TXNDC11: variants seen among roughly 807,000 people sequenced by gnomAD.
The protein encoded by TXNDC11 is thioredoxin domain containing 11, also known as thioredoxin domain-containing protein 11.
TXNDC11 carries 68 observed loss-of-function variants against 78.0 expected under a neutral mutation model. The ratio of observed to expected loss-of-function variants is 0.87; its 90% CI spans 0.72 to 1.07. TXNDC11 has a LOEUF of 1.07. Among genes scored for constraint, TXNDC11 ranks in the 50% least tolerant of loss-of-function variants. The pLI, the probability that TXNDC11 is intolerant of heterozygous loss-of-function variation, is 0.00. For missense variants in TXNDC11, 1,389 were observed against 1,221.8 expected (o/e 1.14, Z -2.04); for synonymous variants, 571 against 495.2 (o/e 1.15, Z -2.03).
At chr16:11,726,769 C>A (rs1045894032) in intron 4 of TXNDC11, among the ~76,000 whole-genome samples, 2 of 151,930 alleles carry the variant, frequency 1.3e-5, no homozygotes, top group African/African-American at 4.8e-5. Flanking sequence ...TAAAATTTTA[C>A]GTCAGCGGGG....
At chr16:11,685,162 G>A (rs892669154) in intron 10 of TXNDC11, among the ~76,000 whole-genome samples, 3 of 152,202 alleles carry the variant, frequency 2.0e-5, no homozygotes, top group Non-Finnish European at 4.4e-5. Context: ...CCAGGAGTTC[G>A]AGACTAGCCT....
rs1432631134 is a variant in TXNDC11 at position 11,687,963 on chromosome 16, C to T, written c.2047G>A (p.Val683Ile). Reference sequence around the variant, plus strand: ...CACGGAGCGTAATAGAGCAGGAGAACGTCCTGTGGGAAAGGGAAGACAGAT... The same window carrying T: ...CACGGAGCGTAATAGAGCAGGAGAATGTCCTGTGGGAAAGGGAAGACAGAT... ...FWEVVLQKQD[V>I]LLLYYAPWCG... Residue 683 changes from valine (V) to isoleucine (I), a missense_variant, in exon 10 of 12, where the codon GTT (valine) becomes ATT (isoleucine). Coordinates refer to ENST00000283033, the MANE Select transcript of TXNDC11 (RefSeq NM_015914.7). The T allele has an allele frequency of 1.6e-5, 26 of 1,609,794 alleles. No individual in the cohort carries two copies. The highest frequency in any genetic ancestry group is 1.6e-4 in the East Asian group (7 of 44,850).
intron 8 of TXNDC11, 98 bp from the exon 9 acceptor site, chr16:11,688,543 C>T (rs962313197): frequency 6.1e-5 from 61 of 1,005,864 alleles, no homozygotes; most frequent in Middle Eastern, 3.3e-4. Context: ...CAAATGACTT[C>T]ATAGGCTCAC....
In TXNDC11 at chr16:11,679,345, A is replaced by G; in HGVS notation, c.2727T>C (p.Asp909=). The G allele has an allele frequency of 3.7e-6, 6 of 1,611,978 alleles. No homozygotes were observed. The highest frequency in any genetic ancestry group is 5.1e-6 in the Non-Finnish European group (6 of 1,179,416). The change falls in exon 12 of 12, where the codon GAT becomes GAC. Residue 909 remains aspartate (D), a synonymous_variant. Transcript: ENST00000283033. The surrounding 1 kb of genome is among the most constrained non-coding windows in gnomAD (Gnocchi z 4.6). ...ATMERKLEGR[D]GAESLAAQRE... Reference sequence around the variant, plus strand: ...TCTGGGCCGCCAGGCTTTCAGCTCCATCCCTGCCCTCCAGTTTCCTCTCCA... The same window carrying G: ...TCTGGGCCGCCAGGCTTTCAGCTCCGTCCCTGCCCTCCAGTTTCCTCTCCA...
intron 11 of TXNDC11, among the ~76,000 whole-genome samples, chr16:11,681,341 A>G (rs1478544455): frequency 6.6e-6 from 1 of 152,230 alleles, no homozygotes; most frequent in African/African-American, 2.4e-5. Context: ...AGCTGCCAAG[A>G]TCCCTCAGGA....
intron 4 of TXNDC11, among the ~76,000 whole-genome samples, chr16:11,723,355 C>T (rs934592669): frequency 6.6e-6 from 1 of 151,028 alleles, no homozygotes; most frequent in Non-Finnish European, 1.5e-5. Context: ...GAGGCTGAGG[C>T]AGGTGGATCA....
In TXNDC11 at chr16:11,691,649, C is replaced by T. The variant is rs753191929; in HGVS notation, c.1541G>A (p.Arg514Lys). 2 of 1,614,222 alleles carry T rather than the reference C, an allele frequency of 1.2e-6. No homozygotes were observed. Among genetic ancestry groups the T allele is most frequent in the South Asian group, 2.2e-5 (2 of 91,088 alleles). ...YYTACCRTISRGVSGFIDSEQ... is the reference protein window; with the variant it reads ...YYTACCRTISKGVSGFIDSEQ... ...AGAGTCGATGAAGCCTGACACACCC[C>T]TGCTTATGGTCCTGCAACATGCAGT... Residue 514 changes from arginine to lysine, a missense_variant, in exon 8 of 12, where the codon AGG becomes AAG. Arg to Lys is a conservative substitution (Grantham distance 26). Coordinates refer to ENST00000283033, the MANE Select transcript of TXNDC11 (RefSeq NM_015914.7).
intron 7 of TXNDC11, among the ~76,000 whole-genome samples, chr16:11,696,025 CAAAA>C (rs36041908): frequency 7.5e-6 from 1 of 133,774 alleles, no homozygotes. Flanking sequence ...GACCCTAACT[CAAAA>C]AAAAAAAAAA....
intron 11 of TXNDC11, among the ~76,000 whole-genome samples, chr16:11,683,748 C>CTTTT (rs36114425): frequency 4.6e-5 from 5 of 109,326 alleles, no homozygotes; most frequent in South Asian, 3.0e-4. Context: ...CCTAAGGACA[C>CTTTT]TTTTTTTTTT....
At chr16:11,703,317 A>G (rs1275868234) in intron 5 of TXNDC11, among the ~76,000 whole-genome samples, 1 of 152,220 alleles carries the variant, frequency 6.6e-6, no homozygotes, top group African/African-American at 2.4e-5. Flanking sequence ...TGTGTTTCTT[A>G]AAGAGGTATA....
intron 1 of TXNDC11, among the ~76,000 whole-genome samples, chr16:11,738,790 G>T (rs772603668): frequency 2.0e-4 from 30 of 152,212 alleles, no homozygotes; most frequent in Non-Finnish European, 4.1e-4. Flanking sequence ...CACTTTGGGA[G>T]ACAGAGGCGG....
chr16:11,735,652 T>TC (rs1462236265), intron 2 of TXNDC11, among the ~76,000 whole-genome samples: 11 of 152,294 alleles, frequency 7.2e-5, no homozygotes, highest in Admixed American at 7.2e-4. Context: ...TACAATGCAG[T>TC]CATATCATAC....
chr16:11,708,312 C>T (rs998328578), intron 5 of TXNDC11, among the ~76,000 whole-genome samples: 3 of 152,106 alleles, frequency 2.0e-5, no homozygotes, highest in Non-Finnish European at 4.4e-5. Flanking sequence ...GAAAATCCAT[C>T]CAACAGCAAA....
intron 2 of TXNDC11, among the ~76,000 whole-genome samples, chr16:11,734,782 A>C (rs1222164665): frequency 6.6e-6 from 1 of 152,230 alleles, no homozygotes; most frequent in African/African-American, 2.4e-5. Context: ...GACAGTTCCA[A>C]ATGAACTTCT....
chr16:11,741,222 T>C (rs1188907866), intron 1 of TXNDC11, among the ~76,000 whole-genome samples: 3 of 152,170 alleles, frequency 2.0e-5, no homozygotes, highest in African/African-American at 7.2e-5. Context: ...TGGCCACATA[T>C]CGTGCTAAAT....
In TXNDC11 at chr16:11,736,166, G is replaced by C; in HGVS notation, c.322C>G (p.Leu108Val). The C allele has an allele frequency of 3.1e-6, 5 of 1,614,138 alleles. No individual in the cohort carries two copies. The highest frequency in any genetic ancestry group is 4.2e-6 in the Non-Finnish European group (5 of 1,180,022). The stretch of plus-strand genomic sequence containing the variant: ...TCCAGCTGCCCCTGGAAGAGGTCAA[G>C]GACTGGAGACCTCAAGGAGAAAAAG... ...VSFFSLRSPV[L>V]DLFQGQLDYA... Residue 108 changes from leucine (L) to valine (V), a missense_variant, in exon 2 of 12, where the codon CTT becomes GTT. Coordinates refer to ENST00000283033, the MANE Select transcript of TXNDC11 (RefSeq NM_015914.7).
At chr16:11,690,433 G>C (rs2050678960) in intron 8 of TXNDC11, among the ~76,000 whole-genome samples, 1 of 152,224 alleles carries the variant, frequency 6.6e-6, no homozygotes, top group Non-Finnish European at 1.5e-5. Flanking sequence ...CCAGGTCCCA[G>C]CAATATTACT....
rs1239386675 is a variant in TXNDC11, at chr16:11,691,397, C to G, written c.1793G>C (p.Gly598Ala). The G allele has an allele frequency of 5.6e-6, 9 of 1,614,190 alleles. No individual in the cohort carries two copies. Among genetic ancestry groups the G allele is most frequent in the Non-Finnish European group, 7.6e-6 (9 of 1,179,984 alleles). ...NLFWLYAERL[G>A]APSSTQVKEF... ...TTTCACCTGAGTGGAGCTCGGAGCA[C>G]CCAGTCTCTCTGCATATAACCAAAA... The change falls in exon 8 of 12, where the codon GGT becomes GCT. Residue 598 changes from glycine (G) to alanine (A), a missense_variant. Coordinates refer to ENST00000283033, the MANE Select transcript of TXNDC11 (RefSeq NM_015914.7).
intron 10 of TXNDC11, among the ~76,000 whole-genome samples, chr16:11,686,065 T>C (rs2141971831): frequency 6.6e-6 from 1 of 152,260 alleles, no homozygotes; most frequent in South Asian, 2.1e-4. Context: ...TTCAAGTGAT[T>C]CTCCTGCCTC....
Sources: allele counts gnomAD v4.1 joint callset (sites outside exome capture counted in the v4.1 genomes callset), GRCh38; gene constraint gnomAD v4.1.1; non-coding constraint Gnocchi (gnomAD v3.1); transcripts MANE v1.5; gene names NCBI Gene and HGNC (gene_info 2026-07-23, HGNC 2026-07-21).